Variants in DGKH observed in about 807,000 individuals in gnomAD.
DGKH encodes DAG kinase eta.
Under a neutral mutation model 159.3 loss-of-function variants are expected in DGKH, and 90 were observed. That is an observed-to-expected ratio of 0.57 (90% CI 0.48 to 0.67). The LOEUF (loss-of-function observed/expected upper bound fraction) is 0.67, where lower values mean the gene tolerates loss of function less well. Among genes scored for constraint, DGKH ranks in the 30% least tolerant of loss-of-function variants. The pLI is 0.00. For synonymous variants in DGKH, 536 were observed against 553.8 expected (o/e 0.97, Z 0.45); for missense variants, 1,181 against 1,506.1 (o/e 0.78, Z 3.57).
chr13:42,151,332 A>G (rs2137932369), intron 3 of DGKH, among the ~76,000 whole-genome samples: 2 of 151,834 alleles, frequency 1.3e-5, no homozygotes, highest in South Asian at 2.1e-4. Context: ...CCATGTGTAC[A>G]CATTATTTAA....
upstream of DGKH, among the ~76,000 whole-genome samples, chr13:42,046,746 G>T (rs1212823395): frequency 6.6e-6 from 1 of 152,192 alleles, no homozygotes; most frequent in East Asian, 1.9e-4. Context: ...TGTATGAATA[G>T]AAGTATATGG....
chr13:42,256,465 A>T, exon 31 of DGKH: 2 of 1,438,174 alleles, frequency 1.4e-6, no homozygotes, highest in Non-Finnish European at 2.0e-6. Flanking sequence ...CTGTTATTGA[A>T]CTTGGCTATC....
At chr13:42,188,547 A>G (rs1469611726) in intron 14 of DGKH, among the ~76,000 whole-genome samples, 1 of 152,204 alleles carries the variant, frequency 6.6e-6, no homozygotes, top group African/African-American at 2.4e-5. Context: ...TGGTGCATTA[A>G]GTCAATTACT....
chr13:42,056,300 T>C (rs1881753554), intron 1 of DGKH, among the ~76,000 whole-genome samples: 1 of 152,150 alleles, frequency 6.6e-6, no homozygotes, highest in Admixed American at 6.5e-5. Flanking sequence ...TGGGAGACTG[T>C]TAGGCTTCTG....
intron 12 of DGKH, 126 bp from the exon 13 acceptor site, chr13:42,178,009 A>G (rs1223476828): frequency 4.1e-6 from 2 of 488,208 alleles, no homozygotes; most frequent in East Asian, 3.2e-5. Context: ...ACTCTTTCAT[A>G]TATTTCATTA....
chr13:42,188,104 T>C lies in DGKH; in HGVS notation c.1639-932T>C, dbSNP rs1038647632. Among the ~76,000 whole-genome samples the C allele has an allele frequency of 2.0e-5, 3 of 152,224 alleles. No homozygotes were observed. The East Asian group carries it at 5.8e-4, about 29-fold the overall frequency. Reference sequence around the variant, plus strand: ...AAATATACATTTGAAGTTTTCTGCCTTTTTCTCTTGTCTTTCTGCTCTGTG... The same window carrying C: ...AAATATACATTTGAAGTTTTCTGCCCTTTTCTCTTGTCTTTCTGCTCTGTG... On this transcript the variant is annotated intron_variant, in intron 14 of 29. Coordinates refer to ENST00000337343, the MANE Select transcript of DGKH (RefSeq NM_178009.5).
chr13:42,221,372 A>G lies in DGKH; in HGVS notation c.3551A>G (p.His1184Arg). The change falls in exon 29 of 30, where the codon CAT becomes CGT. Residue 1184 changes from histidine to arginine, a missense_variant. This residue lies in a region of DGKH where 84 missense variants were observed against 77.9 expected (regional missense o/e 1.08). Coordinates refer to ENST00000337343, the MANE Select transcript of DGKH (RefSeq NM_178009.5). ...RHDIRGAELL[H>R]LERRDLKDLG... ...GACATCAGAGGGGCTGAACTTTTGC[A>G]TCTGGAAAGGCGAGATCTTAAGGTA... The G allele has an allele frequency of 6.2e-7, 1 of 1,613,726 alleles. No homozygotes were observed. The highest frequency in any genetic ancestry group is 1.1e-5 in the South Asian group (1 of 91,064).
At chr13:42,244,011 A>T (rs1224920317), downstream of DGKH, among the ~76,000 whole-genome samples, 1 of 152,110 alleles carries the variant, frequency 6.6e-6, no homozygotes, top group Non-Finnish European at 1.5e-5. Flanking sequence ...AGAAATACTC[A>T]GGTGTAAATG....
Position 42,174,276 on chromosome 13 carries a change from G to A in DGKH, c.1452+132G>A, listed in dbSNP as rs188301632. On this transcript the variant is annotated intron_variant, in intron 12 of 29. Transcript: ENST00000337343. Reference sequence around the variant, plus strand: ...AACTTAATTTTATTTTTGGGGTATGGTCTCATTGACTGACTACCTCTAGTC... The same window carrying A: ...AACTTAATTTTATTTTTGGGGTATGATCTCATTGACTGACTACCTCTAGTC... 1.7e-4 allele frequency: 128 copies of A among 741,166 alleles called. No homozygotes were observed. The Admixed American group carries it at 1.9e-3, about 11-fold the overall frequency. 45.9% of individuals were successfully genotyped at this position (741,166 alleles called of 1,614,324 possible). A position where few individuals can be genotyped will look rare whatever the true frequency, so the allele number is the denominator to read the frequency against.
chr13:42,166,036 G>T (rs1956305255), intron 8 of DGKH, among the ~76,000 whole-genome samples: 1 of 152,040 alleles, frequency 6.6e-6, no homozygotes, highest in African/African-American at 2.4e-5. Flanking sequence ...GGTTCCTGCA[G>T]CCAATTCCCC....
chr13:42,069,493 G>A (rs189373911), intron 1 of DGKH: 1 of 1,571,938 alleles, frequency 6.4e-7, no homozygotes, highest in East Asian at 2.2e-5. Context: ...AAATTGAATA[G>A]TTCCTGCAAT....
At chr13:42,151,551 GTATA>G (rs1955894933) in intron 3 of DGKH, among the ~76,000 whole-genome samples, 1 of 99,662 alleles carries the variant, frequency 1.0e-5, no homozygotes, top group Non-Finnish European at 1.9e-5. Context: ...ATATACACGT[GTATA>G]TATGTAGTTT....
At position 42,190,416 on chromosome 13, in the gene DGKH, G is replaced by A. The variant is rs1421063533; in HGVS notation, c.1926G>A (p.Pro642=). ...TACTACCTGAAGTTATGGATGACCC[G>A]ACAGTTCACCCCTGTGAACCAGCTA... ...IEEAGKVMDD[P]TVHPCEPANQ... Residue 642 remains proline (P), a synonymous_variant, in exon 16 of 30, where the codon CCG becomes CCA. Transcript: ENST00000337343. 2.5e-6 allele frequency: 4 copies of A among 1,605,806 alleles called. No individual in the cohort carries two copies. The highest frequency in any genetic ancestry group is 1.1e-5 in the South Asian group (1 of 89,004).
Position 42,189,146 on chromosome 13 carries a change from T to G in DGKH, c.1749T>G (p.Ala583=), listed in dbSNP as rs756661743. Residue 583 remains alanine (A), a synonymous_variant, in exon 15 of 30, where the codon GCT becomes GCG. Coordinates refer to ENST00000337343, the MANE Select transcript of DGKH (RefSeq NM_178009.5). ...GCCCTCTCATTGTGGAAGAAGATGC[T>G]GTGGAATCGTCCAGTGAAGAGTCCC... ...GLSPLIVEED[A]VESSSEESLG... 8 of 1,614,116 alleles carry G rather than the reference T, an allele frequency of 5.0e-6. No homozygotes were observed. In the African/African-American group the frequency reaches 8.0e-5, roughly 16 times the overall value.
At chr13:42,195,159 C>A in intron 17 of DGKH, 143 bp downstream of exon 17, 1 of 1,181,458 alleles carries the variant, frequency 8.5e-7, no homozygotes, top group Non-Finnish European at 1.1e-6. Flanking sequence ...AGTCAGAATC[C>A]AGGCCCTTAG....
chr13:42,212,408 GCTT>G (rs1957678314), intron 24 of DGKH, among the ~76,000 whole-genome samples: 2 of 152,144 alleles, frequency 1.3e-5, no homozygotes, highest in African/African-American at 4.8e-5. Context: ...GTACATCTCG[GCTT>G]CTTATCCATA....
In DGKH at chr13:42,159,362, A is replaced by G; in HGVS notation, c.719A>G (p.Asp240Gly). ...LASIGKDIIE[D>G]EDGVAMPHQW... ...TCCATCGGGAAGGACATTATAGAAG[A>G]TGAAGATGGCGTAAGCTGCTGCTCT... The change falls in exon 6 of 30, where the codon GAT becomes GGT. Residue 240 changes from aspartate to glycine, a missense_variant. By Grantham distance (94) the Asp-to-Gly change is moderately conservative. Transcript: ENST00000337343. 6.2e-7 allele frequency: 1 copy of G among 1,607,880 alleles called. No homozygotes were observed. The highest frequency in any genetic ancestry group is 8.5e-7 in the Non-Finnish European group (1 of 1,175,960).
At chr13:42,040,351 T>C (rs1449299298) in intron 1 of DGKH, among the ~76,000 whole-genome samples, 5 of 151,948 alleles carry the variant, frequency 3.3e-5, no homozygotes, top group Non-Finnish European at 5.9e-5. Context: ...TCCTCGCCGC[T>C]CTCCGCGCGC....
intron 3 of DGKH, among the ~76,000 whole-genome samples, chr13:42,132,935 G>A (rs1041887967): frequency 3.3e-5 from 5 of 152,082 alleles, no homozygotes; most frequent in African/African-American, 1.2e-4. Flanking sequence ...TTGGGAGGCT[G>A]AGGTGGGCAG....
Sources: allele counts gnomAD v4.1 joint callset (sites outside exome capture counted in the v4.1 genomes callset), GRCh38; gene constraint gnomAD v4.1.1; regional missense constraint gnomAD v4.1.1; transcripts MANE v1.5; gene names NCBI Gene and HGNC (gene_info 2026-07-23, HGNC 2026-07-21).